Variants in LPIN2 observed in about 807,000 individuals in gnomAD.
LPIN2 encodes lipin 2.
A neutral mutation model predicts 111.4 loss-of-function variants in LPIN2; 55 were observed. That is an observed-to-expected ratio of 0.49 (90% CI 0.40 to 0.62). The LOEUF is 0.62. Ranked by LOEUF, LPIN2 falls within the 20% of genes least tolerant of loss-of-function variation. The pLI, the probability that LPIN2 is intolerant of heterozygous loss-of-function variation, is 0.00. For synonymous variants in LPIN2, 425 were observed against 414.0 expected (o/e 1.03, Z -0.32); for missense variants, 992 against 1,112.1 (o/e 0.89, Z 1.54).
intron 1 of LPIN2, among the ~76,000 whole-genome samples, chr18:3,005,680 C>CTT (rs1463868882): frequency 1.4e-5 from 2 of 139,396 alleles, no homozygotes; most frequent in African/African-American, 5.7e-5. Flanking sequence ...CTATCTTACA[C>CTT]ACACACACAC....
intron 1 of LPIN2, among the ~76,000 whole-genome samples, chr18:2,999,483 T>TAAC (rs1357503551): frequency 6.6e-6 from 1 of 150,544 alleles, no homozygotes; most frequent in Non-Finnish European, 1.5e-5. Flanking sequence ...CAGGCGCCTG[T>TAAC]AGTCCCAGCT....
rs183994658 is a variant in LPIN2, at chr18:2,987,103, C to G, written c.-10+25984G>C. On this transcript the variant is annotated intron_variant, in intron 1 of 19. Transcript: ENST00000677752. ...ACCCTTAGGTATACGATTTTCTGTT[C>G]TGGGGTTATATCACCCCCATTTCAT... Among the ~76,000 whole-genome samples, 205 of 152,288 alleles carry G rather than the reference C, an allele frequency of 1.3e-3. 1 individual carries two copies. Among genetic ancestry groups the G allele is most frequent in the African/African-American group, 4.5e-3 (188 of 41,558 alleles).
rs150315452 is a variant in LPIN2 at position 2,965,881 on chromosome 18, T to G, written c.-9-5032A>C. On this transcript the variant is annotated intron_variant, in intron 1 of 19. Coordinates refer to ENST00000677752, the MANE Select transcript of LPIN2 (RefSeq NM_001375808.2). The stretch of plus-strand genomic sequence containing the variant: ...GAGTAATCAGAGATAAAAGGTAGTT[T>G]AAAAACAATAAAAAAAATTCATAAA... 2.7e-3 allele frequency among the ~76,000 whole-genome samples: 407 copies of G among 152,268 alleles called. 1 individual carries two copies. The highest frequency in any genetic ancestry group is 9.1e-3 in the African/African-American group (379 of 41,522).
intron 1 of LPIN2, among the ~76,000 whole-genome samples, chr18:2,999,403 T>C (rs1198938261): frequency 6.6e-6 from 1 of 151,382 alleles, no homozygotes; most frequent in African/African-American, 2.4e-5. Context: ...GAGACCATTC[T>C]GGCTAACATG....
At chr18:2,931,657 CTG>C (rs2144163925) in intron 8 of LPIN2, among the ~76,000 whole-genome samples, 1 of 152,336 alleles carries the variant, frequency 6.6e-6, no homozygotes, top group Admixed American at 6.5e-5. Context: ...GAGAAATTAA[CTG>C]TGAATATAGT....
chr18:2,925,710 AT>A lies in LPIN2; in HGVS notation c.1794-343del, dbSNP rs2077121395. Among the ~76,000 whole-genome samples, 1 of 152,224 alleles carries A rather than the reference AT, an allele frequency of 6.6e-6. No individual in the cohort carries two copies. Among genetic ancestry groups the A allele is most frequent in the South Asian group, 2.1e-4 (1 of 4,832 alleles). ...AAAGAAAACATAATCGCTTACAATG[AT>A]TTAACAAACTCCGGCTGGGTGCGGT... On this transcript the variant is annotated intron_variant, in intron 13 of 19. Coordinates refer to ENST00000677752, the MANE Select transcript of LPIN2 (RefSeq NM_001375808.2). This position sits in a 1 kb window ranked among gnomAD's most constrained non-coding sequence, Gnocchi z 4.1.
chr18:2,978,725 TC>T (rs1354098109), intron 1 of LPIN2, among the ~76,000 whole-genome samples: 1 of 152,218 alleles, frequency 6.6e-6, no homozygotes, highest in Non-Finnish European at 1.5e-5. Flanking sequence ...TCTGCTTCAG[TC>T]TGTCTGGGAA....
intron 15 of LPIN2, 62 bp from the exon 16 acceptor site, chr18:2,923,923 T>A (rs1213202269): frequency 7.5e-7 from 1 of 1,337,854 alleles, no homozygotes; most frequent in Admixed American, 1.7e-5. Flanking sequence ...CGTTTTCCTA[T>A]TTGGTTGACT....
At position 2,951,337 on chromosome 18, in the gene LPIN2, AG is replaced by A; in HGVS notation, c.307del (p.Ala104ProfsTer20). ...EEEYEKLPAY[L>X]ATSPIPTEDQ... ...TTCAGTAGGAATTGGTGAGGTGGCA[AG>A]GTAAGCAGGAAGCTTTTCCTTGAGG... On this transcript the variant is annotated frameshift_variant, in exon 4 of 20. Coordinates refer to ENST00000677752, the MANE Select transcript of LPIN2 (RefSeq NM_001375808.2). LOFTEE classifies it high-confidence loss of function. 6.2e-7 allele frequency: 1 copy of A among 1,614,174 alleles called. No homozygotes were observed. Among genetic ancestry groups the A allele is most frequent in the Non-Finnish European group, 8.5e-7 (1 of 1,180,032 alleles).
chr18:2,999,017 T>C (rs371303151), intron 1 of LPIN2, among the ~76,000 whole-genome samples: 1 of 152,240 alleles, frequency 6.6e-6, no homozygotes, highest in South Asian at 2.1e-4. Context: ...CCTAAGAGTT[T>C]CTTTCTGATC....
At chr18:2,941,417 A>C (rs966516998) in intron 4 of LPIN2, among the ~76,000 whole-genome samples, 3 of 152,220 alleles carry the variant, frequency 2.0e-5, no homozygotes, top group Non-Finnish European at 2.9e-5. Flanking sequence ...ACTACTGCTG[A>C]TAAGATTTTA....
In LPIN2 at chr18:2,919,860, A is replaced by G; in HGVS notation, c.*433T>C. The G allele has an allele frequency of 4.2e-6, 1 of 240,660 alleles. No individual in the cohort carries two copies. Among genetic ancestry groups the G allele is most frequent in the Non-Finnish European group, 8.4e-6 (1 of 119,370 alleles). The allele number at this position is 240,660 out of a possible 1,614,324, so 14.9% of individuals were successfully genotyped here. On this transcript the variant is annotated 3_prime_UTR_variant, in exon 20 of 20. Coordinates refer to ENST00000677752, the MANE Select transcript of LPIN2 (RefSeq NM_001375808.2). ...CAGCATCACTGACTGGGCCCGCAGC[A>G]GTTCAGGGACCCTGACATCTGAAGA...
intron 1 of LPIN2, among the ~76,000 whole-genome samples, chr18:2,999,785 G>A (rs2078403493): frequency 6.6e-6 from 1 of 152,134 alleles, no homozygotes; most frequent in African/African-American, 2.4e-5. Context: ...ATCCAAGAAT[G>A]AGAAAGCGCT....
chr18:2,990,654 C>A lies in LPIN2; in HGVS notation c.-10+22433G>T, dbSNP rs913569960. On this transcript the variant is annotated intron_variant, in intron 1 of 19. Transcript: ENST00000677752. ...GGAAGAGAGTGGCCAATGGCCGTGA[C>A]TACTGCAACACACACCTCATCCATG... is the stretch of plus-strand genomic sequence containing the variant. The A allele has an allele frequency of 3.8e-5, 8 of 208,348 alleles. No individual in the cohort carries two copies. In the East Asian group the frequency reaches 1.0e-3, roughly 27 times the overall value. 12.9% of individuals were successfully genotyped at this position (208,348 alleles called of 1,614,324 possible). A position where few individuals can be genotyped will look rare whatever the true frequency, so the allele number is the denominator to read the frequency against.
chr18:2,962,230 A>G (rs1457557590), intron 1 of LPIN2, among the ~76,000 whole-genome samples: 1 of 152,230 alleles, frequency 6.6e-6, no homozygotes, highest in Non-Finnish European at 1.5e-5. Context: ...CATCGCCATG[A>G]TAATTTTACC....
Position 2,919,636 on chromosome 18 carries a change from T to G in LPIN2, c.*657A>C, listed in dbSNP as rs16944040. On this transcript the variant is annotated 3_prime_UTR_variant, in exon 20 of 20. Coordinates refer to ENST00000677752, the MANE Select transcript of LPIN2 (RefSeq NM_001375808.2). ...AAGAAATTAAGGGCTCGTGGAGTTG[T>G]CACAGATGAGAGGAGGATGCTCTGT... The G allele has an allele frequency of 0.17, 25,742 of 155,814 alleles. 3,052 individuals are homozygous for G. The highest frequency in any genetic ancestry group is 0.34 in the African/African-American group (14,011 of 41,468). 9.7% of individuals were successfully genotyped at this position (155,814 alleles called of 1,614,324 possible).
At chr18:2,940,018 G>C (rs1346653550) in intron 5 of LPIN2, among the ~76,000 whole-genome samples, 1 of 152,138 alleles carries the variant, frequency 6.6e-6, no homozygotes, top group Non-Finnish European at 1.5e-5. Flanking sequence ...GACACTAAAA[G>C]ATGAGAATTT....
intron 1 of LPIN2, among the ~76,000 whole-genome samples, chr18:2,980,656 A>G (rs2078095215): frequency 6.6e-6 from 1 of 152,178 alleles, no homozygotes; most frequent in African/African-American, 2.4e-5. Flanking sequence ...GAATTGAGGG[A>G]CACTGCCCTC....
At chr18:2,963,037 G>A (rs1198992377) in intron 1 of LPIN2, among the ~76,000 whole-genome samples, 1 of 152,202 alleles carries the variant, frequency 6.6e-6, no homozygotes, top group African/African-American at 2.4e-5. Context: ...AAAACCTAAT[G>A]TGTAAATGCC....
Sources: allele counts gnomAD v4.1 joint callset (sites outside exome capture counted in the v4.1 genomes callset), GRCh38; gene constraint gnomAD v4.1.1; non-coding constraint Gnocchi (gnomAD v3.1); transcripts MANE v1.5; gene names NCBI Gene and HGNC (gene_info 2026-07-23, HGNC 2026-07-21).